The following GALNT15 variants were observed in gnomAD, a reference collection of about 807,000 sequenced individuals.
GALNT15 encodes the protein UDP-GalNAc transferase T15.
A neutral mutation model predicts 66.8 loss-of-function variants in GALNT15; 67 were observed. The ratio of observed to expected loss-of-function variants is 1.00; its 90% CI spans 0.82 to 1.23. GALNT15 has a LOEUF of 1.23. GALNT15 is among the 50% of genes most tolerant of loss of function. GALNT15 has a pLI of 0.00. For synonymous variants in GALNT15, 313 were observed against 311.5 expected, an observed-to-expected ratio of 1.00 and a Z score of -0.05; for missense variants, 827 against 804.3, an observed-to-expected ratio of 1.03 and a Z score of -0.34.
downstream of GALNT15, among the ~76,000 whole-genome samples, chr3:16,236,038 G>A (rs1021202105): frequency 2.8e-5 from 4 of 140,460 alleles, no homozygotes; most frequent in South Asian, 4.7e-4. Context: ...CAGGGAGGCG[G>A]AGGTTGGAGT....
chr3:16,198,391 TTTCA>T (rs1253855440), intron 2 of GALNT15, among the ~76,000 whole-genome samples: 1 of 142,658 alleles, frequency 7.0e-6, no homozygotes, highest in Non-Finnish European at 1.6e-5. Context: ...CCCAGAATCC[TTTCA>T]TTCATTTTAT....
rs1161966854 is a variant in GALNT15, at chr3:16,203,431, C to G, written c.911+2608C>G. On this transcript the variant is annotated intron_variant, in intron 3 of 9. Coordinates refer to ENST00000339732, the MANE Select transcript of GALNT15 (RefSeq NM_054110.5). This position sits in a 1 kb window ranked among gnomAD's most constrained non-coding sequence, Gnocchi z 6.2. ...TAAGAGACATTCTAGTTTCCTGTGC[C>G]CTTCCCCTCTCCTCTTTTCCTCTCC... is the stretch of plus-strand genomic sequence containing the variant. Among the ~76,000 whole-genome samples the G allele has an allele frequency of 6.6e-6, 1 of 151,102 alleles. No individual in the cohort carries two copies. Among genetic ancestry groups the G allele is most frequent in the African/African-American group, 2.4e-5 (1 of 41,148 alleles).
downstream of GALNT15, chr3:16,232,100 C>G (rs1334743960): frequency 2.9e-6 from 2 of 681,120 alleles, no homozygotes; most frequent in Non-Finnish European, 4.4e-6. Flanking sequence ...CTCCAAAACT[C>G]TCCAAAATTC....
downstream of GALNT15, among the ~76,000 whole-genome samples, chr3:16,230,824 A>G (rs1233002390): frequency 6.6e-6 from 1 of 152,230 alleles, no homozygotes; most frequent in Non-Finnish European, 1.5e-5. This position sits in a 1 kb window ranked among gnomAD's most constrained non-coding sequence, Gnocchi z 4.5. Context: ...GGCATATTTC[A>G]AATGATATGT....
Position 16,181,944 on chromosome 3 carries a change from G to T in GALNT15, c.539+6254G>T, listed in dbSNP as rs1009782554. Among the ~76,000 whole-genome samples, 1 of 152,272 alleles carries T rather than the reference G, an allele frequency of 6.6e-6. No individual in the cohort carries two copies. The highest frequency in any genetic ancestry group is 1.9e-4 in the East Asian group (1 of 5,160). ...ACCTCCACTCTGGATCCATCACCCC[G>T]CAGTGGGGTTGCAGCGTAGACAGAG... On this transcript the variant is annotated intron_variant, in intron 1 of 9. Coordinates refer to ENST00000339732, the MANE Select transcript of GALNT15 (RefSeq NM_054110.5). This position sits in a 1 kb window ranked among gnomAD's most constrained non-coding sequence, Gnocchi z 5.9.
the GALNT15 span, among the ~76,000 whole-genome samples, chr3:16,246,086 G>T: frequency 6.6e-6 from 1 of 152,074 alleles, no homozygotes; most frequent in Non-Finnish European, 1.5e-5. Context: ...TATGGCTGGG[G>T]GCATTATCCC....
rs572777193 is a variant in GALNT15, at chr3:16,189,603, C to T, written c.540-6157C>T. 3.3e-4 allele frequency among the ~76,000 whole-genome samples: 51 copies of T among 152,280 alleles called. No homozygotes were observed. Among genetic ancestry groups the T allele is most frequent in the South Asian group, 1.0e-3 (5 of 4,828 alleles). On this transcript the variant is annotated intron_variant, in intron 1 of 9. Transcript: ENST00000339732. This position sits in a 1 kb window ranked among gnomAD's most constrained non-coding sequence, Gnocchi z 5.1. ...AAAGCACACAACATTTTACATAGCC[C>T]TTTAAAGTAACCCTACTTGTTATCC...
In GALNT15 at chr3:16,174,886, T is replaced by A; in HGVS notation, c.-266T>A. On this transcript the variant is annotated 5_prime_UTR_variant, in exon 1 of 10. Transcript: ENST00000339732. This position sits in a 1 kb window ranked among gnomAD's most constrained non-coding sequence, Gnocchi z 4.7. ...GGGAGGGAAGCAATTCAATTTGAAG[T>A]CCCTGTGAATGGGCTTTCAGAAGGC... 1 of 472,820 alleles carries A rather than the reference T, an allele frequency of 2.1e-6. No individual in the cohort carries two copies. Among genetic ancestry groups the A allele is most frequent in the East Asian group, 3.3e-5 (1 of 30,456 alleles). The allele number at this position is 472,820 out of a possible 1,614,324, so 29.3% of individuals were successfully genotyped here. A position where few individuals can be genotyped will look rare whatever the true frequency, so the allele number is the denominator to read the frequency against.
chr3:16,203,547 A>T lies in GALNT15; in HGVS notation c.911+2724A>T, dbSNP rs368340304. Among the ~76,000 whole-genome samples the T allele has an allele frequency of 0.013, 613 of 46,732 alleles. 1 individual carries two copies. Among genetic ancestry groups the T allele is most frequent in the South Asian group, 0.019 (25 of 1,300 alleles). The allele number at this position is 46,732 out of a possible 152,430, so 30.7% of individuals were successfully genotyped here. A position where few individuals can be genotyped will look rare whatever the true frequency, so the allele number is the denominator to read the frequency against. On this transcript the variant is annotated intron_variant, in intron 3 of 9. Transcript: ENST00000339732. This position sits in a 1 kb window ranked among gnomAD's most constrained non-coding sequence, Gnocchi z 6.2. The stretch of plus-strand genomic sequence containing the variant: ...CTCTCTCTCTCTCTCTCTCTCTCAC[A>T]CACACACACACACACACACACACAC...
In GALNT15 at chr3:16,195,230, C is replaced by T. The variant is rs1051040639; in HGVS notation, c.540-530C>T. ...CATTTAGTTGTGCCAGAAATGTAGG[C>T]CTCAGGCCCAAGCCAAAGACTAGAG... On this transcript the variant is annotated intron_variant, in intron 1 of 9. Coordinates refer to ENST00000339732, the MANE Select transcript of GALNT15 (RefSeq NM_054110.5). The surrounding 1 kb of genome is among the most constrained non-coding windows in gnomAD (Gnocchi z 4.6). Among the ~76,000 whole-genome samples the T allele has an allele frequency of 6.6e-6, 1 of 152,124 alleles. No individual in the cohort carries two copies. The highest frequency in any genetic ancestry group is 2.4e-5 in the African/African-American group (1 of 41,430).
rs1009782554 is a variant in GALNT15 at position 16,181,944 on chromosome 3, G to A, written c.539+6254G>A. Among the ~76,000 whole-genome samples the A allele has an allele frequency of 1.3e-5, 2 of 152,154 alleles. No homozygotes were observed. The highest frequency in any genetic ancestry group is 2.9e-5 in the Non-Finnish European group (2 of 68,038). ...ACCTCCACTCTGGATCCATCACCCC[G>A]CAGTGGGGTTGCAGCGTAGACAGAG... On this transcript the variant is annotated intron_variant, in intron 1 of 9. Transcript: ENST00000339732. This position sits in a 1 kb window ranked among gnomAD's most constrained non-coding sequence, Gnocchi z 5.9.
Position 16,195,224 on chromosome 3 carries a change from T to C in GALNT15, c.540-536T>C, listed in dbSNP as rs2063619452. Among the ~76,000 whole-genome samples the C allele has an allele frequency of 6.6e-6, 1 of 152,110 alleles. No homozygotes were observed. Among genetic ancestry groups the C allele is most frequent in the African/African-American group, 2.4e-5 (1 of 41,420 alleles). On this transcript the variant is annotated intron_variant, in intron 1 of 9. Coordinates refer to ENST00000339732, the MANE Select transcript of GALNT15 (RefSeq NM_054110.5). This position sits in a 1 kb window ranked among gnomAD's most constrained non-coding sequence, Gnocchi z 4.6. Reference sequence around the variant, plus strand: ...CTAGGTCATTTAGTTGTGCCAGAAATGTAGGCCTCAGGCCCAAGCCAAAGA... The same window carrying C: ...CTAGGTCATTTAGTTGTGCCAGAAACGTAGGCCTCAGGCCCAAGCCAAAGA...
In GALNT15 at chr3:16,195,720, C is replaced by T. The variant is rs2063625656; in HGVS notation, c.540-40C>T. ...AGAGGGTGTGGAGTGTTTCTTGTGG[C>T]CTTCTCTTCCCCATGGCTCTCTGGC... On this transcript the variant is annotated intron_variant, in intron 1 of 9. Transcript: ENST00000339732. This position sits in a 1 kb window ranked among gnomAD's most constrained non-coding sequence, Gnocchi z 4.6. The T allele has an allele frequency of 3.2e-6, 5 of 1,579,470 alleles. No homozygotes were observed. The highest frequency in any genetic ancestry group is 3.5e-6 in the Non-Finnish European group (4 of 1,156,354).
In GALNT15 at chr3:16,219,489, C is replaced by T. The variant is rs1329106285; in HGVS notation, c.1479C>T (p.Tyr493=). 4.3e-6 allele frequency: 7 copies of T among 1,614,214 alleles called. No individual in the cohort carries two copies. The highest frequency in any genetic ancestry group is 1.3e-5 in the African/African-American group (1 of 75,054). The stretch of plus-strand genomic sequence containing the variant: ...TCCACTGGTTTCTGGCTAATGTCTA[C>T]CCTGAGCTGTACCCATCTGAACCCA... ...RTFHWFLANV[Y]PELYPSEPRP... is the part of the protein sequence containing the mutation. The change falls in exon 7 of 10, where the codon TAC becomes TAT. Residue 493 remains tyrosine (Y), a synonymous_variant. Transcript: ENST00000339732. This position sits in a 1 kb window ranked among gnomAD's most constrained non-coding sequence, Gnocchi z 4.3.
At chr3:16,194,950 C>A (rs2063616945) in intron 1 of GALNT15, among the ~76,000 whole-genome samples, 1 of 152,120 alleles carries the variant, frequency 6.6e-6, no homozygotes, top group African/African-American at 2.4e-5. Flanking sequence ...ATGTAGCAAA[C>A]CTGCACGTCC....
chr3:16,196,405 G>A (rs984467017), intron 2 of GALNT15, among the ~76,000 whole-genome samples: 1 of 152,150 alleles, frequency 6.6e-6, no homozygotes, highest in South Asian at 2.1e-4. Flanking sequence ...GGAAACTGGG[G>A]CCCAGAGAAG....
At chr3:16,214,068 C>T (rs1361689134) in intron 6 of GALNT15, among the ~76,000 whole-genome samples, 3 of 152,356 alleles carry the variant, frequency 2.0e-5, no homozygotes, top group Non-Finnish European at 2.9e-5. Context: ...TGGACCCCGT[C>T]GGTTAGTCAC....
In GALNT15 at chr3:16,191,415, T is replaced by A; in HGVS notation, c.540-4345T>A. 1.2e-6 allele frequency: 1 copy of A among 839,574 alleles called. No individual in the cohort carries two copies. Among genetic ancestry groups the A allele is most frequent in the Non-Finnish European group, 1.4e-6 (1 of 697,034 alleles). The allele number at this position is 839,574 out of a possible 1,614,324, so 52.0% of individuals were successfully genotyped here. A position where few individuals can be genotyped will look rare whatever the true frequency, so the allele number is the denominator to read the frequency against. On this transcript the variant is annotated intron_variant, in intron 1 of 9. Transcript: ENST00000339732. The surrounding 1 kb of genome is among the most constrained non-coding windows in gnomAD (Gnocchi z 5.2). ...TGTTCTTGGTGCTTTATAAAGATCA[T>A]TTCATCTCCACAACAGCAAATCCCA...
chr3:16,202,361 G>A (rs538939897), intron 3 of GALNT15, among the ~76,000 whole-genome samples: 3 of 152,300 alleles, frequency 2.0e-5, no homozygotes, highest in African/African-American at 4.8e-5. Flanking sequence ...GGCCAGGCAC[G>A]GTGGCTCATG....
Sources: allele counts gnomAD v4.1 joint callset (sites outside exome capture counted in the v4.1 genomes callset), GRCh38; gene constraint gnomAD v4.1.1; non-coding constraint Gnocchi (gnomAD v3.1); transcripts MANE v1.5; gene names NCBI Gene and HGNC (gene_info 2026-07-23, HGNC 2026-07-21).